SVEP1: variants seen among roughly 807,000 people sequenced by gnomAD.
SVEP1 encodes the protein sushi, von Willebrand factor type A, EGF and pentraxin domain-containing protein 1.
SVEP1 carries 164 observed loss-of-function variants against 367.3 expected under a neutral mutation model. That is an observed-to-expected ratio of 0.45 (90% CI 0.39 to 0.51). SVEP1 has a LOEUF of 0.51. Among genes scored for constraint, SVEP1 ranks in the 20% least tolerant of loss-of-function variants. SVEP1 has a pLI of 0.00. For synonymous variants in SVEP1, 1,666 were observed against 1,611.6 expected, an observed-to-expected ratio of 1.03 and a Z score of -0.81; for missense variants, 4,117 against 4,425.3, an observed-to-expected ratio of 0.93 and a Z score of 1.98.
chr9:110,523,245 G>T (rs926242488), intron 3 of SVEP1, among the ~76,000 whole-genome samples: 1 of 152,068 alleles, frequency 6.6e-6, no homozygotes, highest in Non-Finnish European at 1.5e-5. Context: ...TCTGCAAGTC[G>T]TCTTCATTTC....
At chr9:110,435,503 G>A in intron 28 of SVEP1, 139 bp from the exon 29 acceptor site, 3 of 941,168 alleles carry the variant, frequency 3.2e-6, no homozygotes, top group South Asian at 3.3e-5. Flanking sequence ...GATTTCAGGG[G>A]CAGCAGGAGA....
At chr9:110,542,473 C>T (rs956009791) in intron 3 of SVEP1, among the ~76,000 whole-genome samples, 1 of 152,160 alleles carries the variant, frequency 6.6e-6, no homozygotes, top group African/African-American at 2.4e-5. Context: ...TTAACATCCT[C>T]TCCTTAAGTA....
At chr9:110,495,992 G>A (rs1316865541) in intron 8 of SVEP1, among the ~76,000 whole-genome samples, 1 of 152,146 alleles carries the variant, frequency 6.6e-6, no homozygotes, top group Non-Finnish European at 1.5e-5. Flanking sequence ...TCAGAACCTA[G>A]TAAAGGGCAA....
rs12001328 is a variant in SVEP1 at position 110,541,531 on chromosome 9, C to A, written c.964+4584G>T. Among the ~76,000 whole-genome samples the A allele has an allele frequency of 5.9e-5, 9 of 151,952 alleles. 1 individual carries two copies. The South Asian group carries it at 1.7e-3, about 28-fold the overall frequency. On this transcript the variant is annotated intron_variant, in intron 3 of 47. Transcript: ENST00000374469. ...AGAACAGTAGAATTCATAAGATATACGGTTGTCACTTCATACTTGAAGTAA... is the reference window on the plus strand; with the variant it reads ...AGAACAGTAGAATTCATAAGATATAAGGTTGTCACTTCATACTTGAAGTAA...
chr9:110,502,172 G>A (rs537818072), intron 6 of SVEP1, among the ~76,000 whole-genome samples: 21 of 146,850 alleles, frequency 1.4e-4, no homozygotes, highest in Admixed American at 9.8e-4. Flanking sequence ...CTGTGATCTC[G>A]GCTCACTGAA....
intron 3 of SVEP1, among the ~76,000 whole-genome samples, chr9:110,537,749 G>A (rs891860797): frequency 1.3e-5 from 2 of 151,818 alleles, no homozygotes; most frequent in Non-Finnish European, 2.9e-5. Flanking sequence ...ATTTTAAAAT[G>A]TCAATACAGT....
At chr9:110,402,937 G>A (rs1827885849) in intron 39 of SVEP1, among the ~76,000 whole-genome samples, 1 of 152,116 alleles carries the variant, frequency 6.6e-6, no homozygotes, top group African/African-American at 2.4e-5. Flanking sequence ...GAAGGGAATG[G>A]TTCTTGAGTC....
At position 110,489,740 on chromosome 9, in the gene SVEP1, G is replaced by C; in HGVS notation, c.1840C>G (p.Leu614Val). 6.2e-7 allele frequency: 1 copy of C among 1,613,368 alleles called. No individual in the cohort carries two copies. The highest frequency in any genetic ancestry group is 8.5e-7 in the Non-Finnish European group (1 of 1,179,516). Reference protein sequence around the residue: ...HVHPAFTPPYLFPIGDVAIVY... With the variant: ...HVHPAFTPPYVFPIGDVAIVY... ...ATAGCAACATCTCCAATTGGGAAAAGGTAAGGTGGGGTGAAAGCTGGATGA... is the reference window on the plus strand; with the variant it reads ...ATAGCAACATCTCCAATTGGGAAAACGTAAGGTGGGGTGAAAGCTGGATGA... Residue 614 changes from leucine (L) to valine (V), a missense_variant, in exon 9 of 48, where the codon CTT becomes GTT. Transcript: ENST00000374469.
At chr9:110,469,971 A>G (rs1828990619) in intron 16 of SVEP1, among the ~76,000 whole-genome samples, 1 of 152,232 alleles carries the variant, frequency 6.6e-6, no homozygotes. Flanking sequence ...AAAAAACCCA[A>G]CGGAGCTCTT....
chr9:110,394,589 A>T (rs1340888322), intron 40 of SVEP1, among the ~76,000 whole-genome samples: 1 of 152,210 alleles, frequency 6.6e-6, no homozygotes, highest in Non-Finnish European at 1.5e-5. Flanking sequence ...ATGGCAAAGA[A>T]GTTAACAACT....
intron 46 of SVEP1, among the ~76,000 whole-genome samples, chr9:110,373,383 T>C (rs887485475): frequency 8.5e-5 from 13 of 152,186 alleles, no homozygotes; most frequent in African/African-American, 2.9e-4. Flanking sequence ...TACTTTTCAG[T>C]CTCATTTCTC....
rs760398508 is a variant in SVEP1 at position 110,407,951 on chromosome 9, G to T, written c.7649C>A (p.Ser2550Tyr). 4.3e-6 allele frequency: 7 copies of T among 1,613,890 alleles called. No individual in the cohort carries two copies. The highest frequency in any genetic ancestry group is 1.6e-4 in the Middle Eastern group (1 of 6,084). The stretch of plus-strand genomic sequence containing the variant: ...GGAATCACAGTGGATGGCATTGCAA[G>T]ATGGGGCATCTACATCCCAATCACC... ...ETGDWDVDAP[S>Y]CNAIHCDSPQ... is the part of the protein sequence containing the mutation. The change falls in exon 38 of 48, where the codon TCT (serine) becomes TAT (tyrosine). Residue 2550 changes from serine (S) to tyrosine (Y), a missense_variant. This residue lies in a region of SVEP1 where 1,765 missense variants were observed against 1,781.1 expected (regional missense o/e 0.99). Transcript: ENST00000374469.
chr9:110,388,767 G>A (rs1209559644), intron 41 of SVEP1, among the ~76,000 whole-genome samples: 2 of 152,016 alleles, frequency 1.3e-5, no homozygotes, highest in Non-Finnish European at 2.9e-5. Context: ...CCGGGAGTTC[G>A]AGACCAGCCA....
At chr9:110,446,135 T>C in intron 25 of SVEP1, 97 bp from the exon 26 acceptor site, 2 of 1,070,462 alleles carry the variant, frequency 1.9e-6, no homozygotes, top group Non-Finnish European at 2.7e-6. Context: ...CTCATTTCAG[T>C]GAATATGATT....
chr9:110,386,077 G>A lies in SVEP1; in HGVS notation c.10061-3C>T, dbSNP rs772203950. 1 of 1,599,600 alleles carries A rather than the reference G, an allele frequency of 6.3e-7. No homozygotes were observed. Among genetic ancestry groups the A allele is most frequent in the South Asian group, 1.1e-5 (1 of 88,254 alleles). On this transcript the variant is annotated splice_region_variant and splice_polypyrimidine_tract_variant and intron_variant, in intron 42 of 47. Coordinates refer to ENST00000374469, the MANE Select transcript of SVEP1 (RefSeq NM_153366.4). ...AAAAGGAACAGGGCATGGATTTGCT[G>A]TCAAAAAGAAAAGAAAATGCTTACT...
In SVEP1 at chr9:110,455,591, T is replaced by C. The variant is rs1731986405; in HGVS notation, c.3786A>G (p.Thr1262=). Residue 1262 remains threonine (T), a splice_region_variant and synonymous_variant, in exon 22 of 48, where the codon ACA becomes ACG. Coordinates refer to ENST00000374469, the MANE Select transcript of SVEP1 (RefSeq NM_153366.4). ...EFICECPSGY[T]GQRCEENINE... Reference sequence around the variant, plus strand: ...GAAAACAGGAGACCTTCCCCTTACCTGTGTAACCTGATGGGCACTCACAAA... The same window carrying C: ...GAAAACAGGAGACCTTCCCCTTACCCGTGTAACCTGATGGGCACTCACAAA... The C allele has an allele frequency of 1.9e-6, 3 of 1,610,362 alleles. No homozygotes were observed. In the African/African-American group the frequency reaches 4.0e-5, roughly 22 times the overall value.
At chr9:110,402,334 C>T (rs1418684881) in intron 39 of SVEP1, among the ~76,000 whole-genome samples, 1 of 152,006 alleles carries the variant, frequency 6.6e-6, no homozygotes, top group African/African-American at 2.4e-5. Flanking sequence ...GAGACTGGTC[C>T]TCTTTCAGTA....
intron 5 of SVEP1, among the ~76,000 whole-genome samples, chr9:110,511,488 CTTTT>C (rs199993986): frequency 5.2e-5 from 4 of 77,544 alleles, no homozygotes; most frequent in African/African-American, 1.8e-4. Flanking sequence ...GTGTCAGTAC[CTTTT>C]TTTTTTTTTT....
chr9:110,375,596 A>G, intron 45 of SVEP1, 133 bp from the exon 46 acceptor site: 1 of 710,924 alleles, frequency 1.4e-6, no homozygotes, highest in South Asian at 2.2e-5. Context: ...GACTCACTAA[A>G]TAAGTTTCCT....
Sources: allele counts gnomAD v4.1 joint callset (sites outside exome capture counted in the v4.1 genomes callset), GRCh38; gene constraint gnomAD v4.1.1; regional missense constraint gnomAD v4.1.1; transcripts MANE v1.5; gene names NCBI Gene and HGNC (gene_info 2026-07-23, HGNC 2026-07-21).